CADPS: variants seen among roughly 807,000 people sequenced by gnomAD.
CADPS encodes the protein calcium-dependent secretion activator 1.
In CADPS, 57 loss-of-function variants were observed where a neutral mutation model predicts 167.3. The ratio of observed to expected loss-of-function variants is 0.34; its 90% confidence interval spans 0.28 to 0.42. The LOEUF is 0.42. Ranked by LOEUF, CADPS falls within the 20% of genes least tolerant of loss-of-function variation. The probability of loss-of-function intolerance (pLI) is 1.00; values close to 1 mark genes in which losing one functional copy is unlikely to be tolerated. For missense variants in CADPS, 1,414 were observed against 1,738.1 expected (o/e 0.81, Z 3.32); for synonymous variants, 676 against 635.3 (o/e 1.06, Z -0.96).
intron 3 of CADPS, among the ~76,000 whole-genome samples, chr3:62,713,693 C>A (rs2083850162): frequency 6.6e-6 from 1 of 152,156 alleles, no homozygotes; most frequent in East Asian, 1.9e-4. Flanking sequence ...CTGGGTGAAG[C>A]CAAGACCCCT....
chr3:62,563,529 T>C (rs1438742375), intron 9 of CADPS, among the ~76,000 whole-genome samples: 3 of 152,340 alleles, frequency 2.0e-5, no homozygotes, highest in South Asian at 4.1e-4. Context: ...TTTAACACAA[T>C]GCTTTATTTA....
chr3:62,431,336 T>C (rs1239785376), intron 28 of CADPS, among the ~76,000 whole-genome samples: 6 of 152,086 alleles, frequency 3.9e-5, no homozygotes, highest in Non-Finnish European at 8.8e-5. Flanking sequence ...AAAATCTCTG[T>C]ATGTCTTCAC....
In CADPS at chr3:62,771,500, T is replaced by C. The variant is rs1484178505; in HGVS notation, c.442-5516A>G. Among the ~76,000 whole-genome samples the C allele has an allele frequency of 4.6e-5, 7 of 152,238 alleles. No individual in the cohort carries two copies. In the East Asian group the frequency reaches 1.4e-3, roughly 29 times the overall value. ...CTTATATAGGATTGAACCCAAAAGGTGACCTTGCACGAATAAACTGAAATA... is the reference window on the plus strand; with the variant it reads ...CTTATATAGGATTGAACCCAAAAGGCGACCTTGCACGAATAAACTGAAATA... On this transcript the variant is annotated intron_variant, in intron 1 of 29. Coordinates refer to ENST00000383710, the MANE Select transcript of CADPS (RefSeq NM_003716.4).
intron 3 of CADPS, among the ~76,000 whole-genome samples, chr3:62,740,604 T>G (rs1454507002): frequency 1.3e-5 from 2 of 152,154 alleles, no homozygotes; most frequent in African/African-American, 2.4e-5. Context: ...ACCTAATACC[T>G]TCTCTGTGAA....
At chr3:62,453,353 C>T (rs931308873) in intron 26 of CADPS, among the ~76,000 whole-genome samples, 1 of 151,812 alleles carries the variant, frequency 6.6e-6, no homozygotes, top group East Asian at 1.9e-4. Flanking sequence ...AAAAAAGGAA[C>T]AAAAGTGATA....
intron 17 of CADPS, chr3:62,500,348 G>A (rs540910719): frequency 1.4e-4 from 21 of 152,276 alleles, no homozygotes; most frequent in Admixed American, 1.3e-3. Flanking sequence ...TAGAGACAGA[G>A]TTTCACCTTG....
At chr3:62,473,025 A>G (rs2060812860) in intron 24 of CADPS, among the ~76,000 whole-genome samples, 1 of 152,206 alleles carries the variant, frequency 6.6e-6, no homozygotes, top group African/African-American at 2.4e-5. Context: ...GGTGAGACTC[A>G]ATGATCTGGG....
intron 1 of CADPS, among the ~76,000 whole-genome samples, chr3:62,861,128 T>A (rs187797842): frequency 2.7e-4 from 41 of 152,310 alleles, no homozygotes; most frequent in African/African-American, 7.5e-4. Flanking sequence ...TTAAACTCCA[T>A]CTGCATCCTT....
intron 1 of CADPS, among the ~76,000 whole-genome samples, chr3:62,871,132 A>G (rs76025351): frequency 0.025 from 3,818 of 152,266 alleles, 84 homozygotes; most frequent in South Asian, 0.076. Context: ...CTCTTTAATT[A>G]GGAAGATTGT....
At chr3:62,622,565 G>A (rs986365660) in intron 6 of CADPS, among the ~76,000 whole-genome samples, 3 of 152,048 alleles carry the variant, frequency 2.0e-5, no homozygotes, top group African/African-American at 4.8e-5. Context: ...TCTTAGAAAC[G>A]GAAGGGGCCA....
At chr3:62,669,484 C>A (rs879472127) in intron 3 of CADPS, among the ~76,000 whole-genome samples, 4 of 152,284 alleles carry the variant, frequency 2.6e-5, no homozygotes, top group African/African-American at 9.6e-5. Context: ...GCTGTTTTTG[C>A]CGCATTCAAG....
intron 7 of CADPS, among the ~76,000 whole-genome samples, 158 bp from the exon 8 acceptor site, chr3:62,585,482 C>T (rs1562496702): frequency 6.6e-6 from 1 of 152,168 alleles, no homozygotes; most frequent in South Asian, 2.1e-4. Flanking sequence ...TCCTTCCTGG[C>T]TAATTTTGTA....
chr3:62,863,102 A>G lies in CADPS; in HGVS notation c.441+11487T>C, dbSNP rs144229281. On this transcript the variant is annotated intron_variant, in intron 1 of 29. Coordinates refer to ENST00000383710, the MANE Select transcript of CADPS (RefSeq NM_003716.4). ...TTTATTGAACACCTATTATATATAC[A>G]TACAATCTGTCAGACACCTGGGGAG... Among the ~76,000 whole-genome samples the G allele has an allele frequency of 9.3e-4, 142 of 152,360 alleles. 2 individuals carry two copies. The East Asian group carries it at 0.02, about 22-fold the overall frequency.
chr3:62,574,474 C>T (rs1302337972), intron 8 of CADPS, among the ~76,000 whole-genome samples: 6 of 152,140 alleles, frequency 3.9e-5, no homozygotes, highest in South Asian at 2.1e-4. Flanking sequence ...CAGGGAGCAT[C>T]GACCGGATGA....
chr3:62,560,624 C>A (rs531843428), intron 9 of CADPS, among the ~76,000 whole-genome samples: 9 of 152,186 alleles, frequency 5.9e-5, no homozygotes, highest in Non-Finnish European at 1.2e-4. Context: ...GGGTAGGTAC[C>A]TTCTCATGGA....
chr3:62,400,597 T>TTTTTC lies in CADPS; in HGVS notation c.3883-1013_3883-1012insGAAAA, dbSNP rs1553688280. Among the ~76,000 whole-genome samples, 184 of 133,850 alleles carry TTTTTC rather than the reference T, an allele frequency of 1.4e-3. 1 individual carries two copies. The highest frequency in any genetic ancestry group is 9.2e-3 in the South Asian group (39 of 4,262). 87.8% of individuals were successfully genotyped at this position (133,850 alleles called of 152,430 possible). On this transcript the variant is annotated intron_variant, in intron 29 of 29. Transcript: ENST00000383710. ...CACTCCCATCATTCTTTCTTTTTTT[T>TTTTTC]TTTCTTTTTTTTTTTTTTTCAAGAT...
chr3:62,614,267 T>C (rs2061927896), intron 6 of CADPS, among the ~76,000 whole-genome samples: 1 of 152,156 alleles, frequency 6.6e-6, no homozygotes, highest in Non-Finnish European at 1.5e-5. Context: ...AGCTTAGGAA[T>C]AAATAATTTG....
At chr3:62,545,316 G>C (rs1294428693) in intron 11 of CADPS, among the ~76,000 whole-genome samples, 1 of 152,052 alleles carries the variant, frequency 6.6e-6, no homozygotes, top group Non-Finnish European at 1.5e-5. Context: ...AGGGGATAAG[G>C]TATCTCAATG....
At chr3:62,409,152 G>C (rs2048464374) in intron 28 of CADPS, among the ~76,000 whole-genome samples, 1 of 152,206 alleles carries the variant, frequency 6.6e-6, no homozygotes, top group African/African-American at 2.4e-5. Flanking sequence ...GCATAGATAG[G>C]TTACATAAGC....
Sources: gnomAD v4.1 joint callset for allele counts (sites outside exome capture counted in the v4.1 genomes callset) on GRCh38, gnomAD v4.1.1 for gene constraint, MANE v1.5 for transcripts, NCBI Gene and HGNC (gene_info 2026-07-23, HGNC 2026-07-21) for gene names.